Variants in COBL observed in about 807,000 individuals in gnomAD.
COBL encodes the protein cordon-bleu WH2 repeat protein.
In COBL, 51 loss-of-function variants were observed where a neutral mutation model predicts 98.8. That is an observed-to-expected ratio of 0.52 (90% CI 0.41 to 0.65). The LOEUF (loss-of-function observed/expected upper bound fraction) is 0.65, where lower values mean the gene tolerates loss of function less well. COBL is among the 30% of genes least tolerant of loss of function. The pLI is 0.00. For synonymous variants in COBL, 634 were observed against 651.7 expected, an observed-to-expected ratio of 0.97 and a Z score of 0.41; for missense variants, 1,617 against 1,617.5, an observed-to-expected ratio of 1.00 and a Z score of 0.01.
rs1417549513 is a variant in COBL, at chr7:51,136,299, C to T, written c.816G>A (p.Met272Ile). The T allele has an allele frequency of 6.2e-7, 1 of 1,613,802 alleles. No individual in the cohort carries two copies. The highest frequency in any genetic ancestry group is 8.5e-7 in the Non-Finnish European group (1 of 1,179,968). Reference sequence around the variant, plus strand: ...GACCCAGCGTAAGAGAACGTGAGTGCATGGATGGGGAGTTGGGGGTCGTTA... The same window carrying T: ...GACCCAGCGTAAGAGAACGTGAGTGTATGGATGGGGAGTTGGGGGTCGTTA... ...GCLTTPNSPSMHSRSLTLGPS... is the reference protein window; with the variant it reads ...GCLTTPNSPSIHSRSLTLGPS... The change falls in exon 6 of 13, where the codon ATG becomes ATA. Residue 272 changes from methionine (M) to isoleucine (I), a missense_variant. By Grantham distance (10) the Met-to-Ile change is conservative. Around this residue, in one of 3 missense-constraint regions of COBL, gnomAD observed 1,304 missense variants for 1,282.0 expected, o/e 1.02. Coordinates refer to ENST00000265136, the MANE Select transcript of COBL (RefSeq NM_015198.5).
chr7:51,302,922 G>A (rs1332827374), intron 1 of COBL, among the ~76,000 whole-genome samples: 1 of 152,116 alleles, frequency 6.6e-6, no homozygotes, highest in African/African-American at 2.4e-5. Flanking sequence ...CCAAACGGCT[G>A]TGGTGACTCA....
At chr7:51,187,087 A>G (rs1341523093) in intron 4 of COBL, among the ~76,000 whole-genome samples, 1 of 152,156 alleles carries the variant, frequency 6.6e-6, no homozygotes, top group Non-Finnish European at 1.5e-5. Context: ...TTTCTGAAGC[A>G]TTACAATGAT....
intron 7 of COBL, among the ~76,000 whole-genome samples, chr7:51,063,047 G>A (rs1219520754): frequency 2.0e-5 from 3 of 152,214 alleles, no homozygotes; most frequent in Middle Eastern, 6.8e-3. Flanking sequence ...AATACGCACA[G>A]TTATTAAACT....
In COBL at chr7:51,043,643, C is replaced by T. The variant is rs61737951; in HGVS notation, c.1146G>A (p.Pro382=). ...SGSHCSPDGA[P]QVLSEAEETV... ...TCTCCTCCGCCTCTGACAGCACCTG[C>T]GGGGCTCCATCCGGGCTGCAGTGGC... The change falls in exon 8 of 13, where the codon CCG becomes CCA. Residue 382 remains proline, a synonymous_variant. Coordinates refer to ENST00000265136, the MANE Select transcript of COBL (RefSeq NM_015198.5). 34,274 of 1,614,156 alleles carry T rather than the reference C, an allele frequency of 0.021. 450 individuals are homozygous for T. Among genetic ancestry groups the T allele is most frequent in the Non-Finnish European group, 0.024 (28,129 of 1,180,038 alleles).
chr7:51,094,819 T>C (rs1409360255), intron 6 of COBL, among the ~76,000 whole-genome samples: 1 of 152,136 alleles, frequency 6.6e-6, no homozygotes, highest in Non-Finnish European at 1.5e-5. Flanking sequence ...TATAAAACTG[T>C]GAATAAATAC....
Position 51,017,500 on chromosome 7 carries a change from C to A in COBL, c.*51G>T, listed in dbSNP as rs1394032628. 1.3e-6 allele frequency: 2 copies of A among 1,599,132 alleles called. No individual in the cohort carries two copies. Among genetic ancestry groups the A allele is most frequent in the Non-Finnish European group, 1.7e-6 (2 of 1,166,382 alleles). ...GGCTATGCAGACTCCTTGAGTGACGCCTGTGGGCATATTACAGGTGGGTTT... is the reference window on the plus strand; with the variant it reads ...GGCTATGCAGACTCCTTGAGTGACGACTGTGGGCATATTACAGGTGGGTTT... On this transcript the variant is annotated 3_prime_UTR_variant, in exon 13 of 13. Transcript: ENST00000265136.
intron 1 of COBL, among the ~76,000 whole-genome samples, chr7:51,220,282 T>A (rs1411243915): frequency 6.6e-6 from 1 of 152,090 alleles, no homozygotes; most frequent in Admixed American, 6.6e-5. Context: ...GGATGACACA[T>A]CACACGAATT....
intron 1 of COBL, chr7:51,260,308 G>T: frequency 2.3e-6 from 1 of 435,260 alleles, no homozygotes. Flanking sequence ...TTATAGAACA[G>T]GATAATATGT....
intron 11 of COBL, 22 bp from the exon 12 acceptor site, chr7:51,025,394 G>A: frequency 6.2e-7 from 1 of 1,612,308 alleles, no homozygotes; most frequent in South Asian, 1.1e-5. Flanking sequence ...ATGATTAAAT[G>A]ACTGCTATAG....
intron 5 of COBL, among the ~76,000 whole-genome samples, chr7:51,180,877 C>A (rs1563003932): frequency 6.6e-6 from 1 of 152,176 alleles, no homozygotes; most frequent in Admixed American, 6.5e-5. Flanking sequence ...TGACTATAAT[C>A]CAATCCTGTG....
chr7:51,210,796 G>GT (rs1792344739), intron 2 of COBL, among the ~76,000 whole-genome samples: 1 of 152,162 alleles, frequency 6.6e-6, no homozygotes, highest in South Asian at 2.1e-4. Context: ...AGGGAATGCC[G>GT]TTTCTGCTAC....
At chr7:51,025,087 G>A in intron 12 of COBL, 22 bp downstream of exon 12, 2 of 1,611,934 alleles carry the variant, frequency 1.2e-6, no homozygotes, top group South Asian at 2.2e-5. Context: ...CCATTGAAAT[G>A]CGCACACACA....
rs113790354 is a variant in COBL, at chr7:51,211,689, A to T, written c.245+8052T>A. 5.0e-4 allele frequency among the ~76,000 whole-genome samples: 76 copies of T among 152,340 alleles called. No homozygotes were observed. In the Middle Eastern group the frequency reaches 0.014, roughly 27 times the overall value. ...ACATCTTTGAAGCAATGCAGAATAG[A>T]GTTTCTCCAATTGTACAAAGAATAA... On this transcript the variant is annotated intron_variant, in intron 2 of 12. Transcript: ENST00000265136.
At chr7:51,180,741 A>C (rs574844946) in intron 5 of COBL, among the ~76,000 whole-genome samples, 1 of 152,134 alleles carries the variant, frequency 6.6e-6, no homozygotes, top group African/African-American at 2.4e-5. Context: ...ATTTGGACTG[A>C]ATCCTGAATT....
At chr7:51,167,222 C>A (rs1016010746) in intron 5 of COBL, among the ~76,000 whole-genome samples, 1 of 152,020 alleles carries the variant, frequency 6.6e-6, no homozygotes, top group African/African-American at 2.4e-5. Context: ...TCACAAAAAA[C>A]CTATTAGAAC....
At chr7:51,097,166 A>G (rs1188172936) in intron 6 of COBL, among the ~76,000 whole-genome samples, 1 of 152,224 alleles carries the variant, frequency 6.6e-6, no homozygotes, top group African/African-American at 2.4e-5. Flanking sequence ...TATTCCTGGA[A>G]GGTAAGAATG....
chr7:51,111,709 A>G (rs1303913145), intron 6 of COBL, among the ~76,000 whole-genome samples: 16 of 152,258 alleles, frequency 1.1e-4, no homozygotes, highest in Admixed American at 1.0e-3. Context: ...CTTCATGGTA[A>G]CATCTGTGTA....
At position 51,125,895 on chromosome 7, in the gene COBL, A is replaced by T. The variant is rs925076622; in HGVS notation, c.957+10263T>A. The stretch of plus-strand genomic sequence containing the variant: ...AGAAATTAAACATCTGGATGTAGCG[A>T]TTGTTTCCCAGTGAATCTTTCCATT... On this transcript the variant is annotated intron_variant, in intron 6 of 12. Transcript: ENST00000265136. Among the ~76,000 whole-genome samples, 10 of 152,156 alleles carry T rather than the reference A, an allele frequency of 6.6e-5. No homozygotes were observed. In the South Asian group the frequency reaches 1.9e-3, roughly 28 times the overall value.
chr7:51,302,078 C>G (rs1390023920), intron 1 of COBL, among the ~76,000 whole-genome samples: 6 of 152,148 alleles, frequency 3.9e-5, no homozygotes, highest in Non-Finnish European at 8.8e-5. Context: ...CATGTCTCCA[C>G]AGCCTGGCCC....
Sources: gnomAD v4.1 joint callset for allele counts (sites outside exome capture counted in the v4.1 genomes callset) on GRCh38, gnomAD v4.1.1 for gene constraint, gnomAD v4.1.1 regional missense constraint, MANE v1.5 for transcripts, NCBI Gene and HGNC (gene_info 2026-07-23, HGNC 2026-07-21) for gene names.